CCSER2: variants seen among roughly 807,000 people sequenced by gnomAD.
The protein encoded by CCSER2 is serine-rich coiled-coil domain-containing protein 2.
CCSER2 carries 46 observed loss-of-function variants against 92.3 expected under a neutral mutation model. The ratio of observed to expected loss-of-function variants is 0.50; its 90% CI spans 0.39 to 0.64. CCSER2 has a LOEUF of 0.64. Among genes scored for constraint, CCSER2 ranks in the 30% least tolerant of loss-of-function variants. The pLI is 0.00. For missense variants in CCSER2, 1,244 were observed against 1,238.9 expected (o/e 1.00, Z -0.06); for synonymous variants, 433 against 431.4 (o/e 1.00, Z -0.04).
intron 1 of CCSER2, among the ~76,000 whole-genome samples, chr10:84,333,538 G>A (rs1843685758): frequency 6.6e-6 from 1 of 152,186 alleles, no homozygotes; most frequent in Non-Finnish European, 1.5e-5. Context: ...CAAGGATTTG[G>A]ACTTCATTTC....
chr10:84,391,736 CCCAT>C, intron 3 of CCSER2: 1 of 1,495,900 alleles, frequency 6.7e-7, no homozygotes, highest in South Asian at 1.1e-5. Context: ...AGAGGTGGCC[CCCAT>C]GCTACAGCAG....
intron 2 of CCSER2, among the ~76,000 whole-genome samples, chr10:84,373,174 G>A (rs1346457847): frequency 6.6e-6 from 1 of 152,044 alleles, no homozygotes; most frequent in African/African-American, 2.4e-5. Flanking sequence ...ACAAACCCTT[G>A]ATTGTCTATA....
At chr10:84,469,286 CTTTT>C (rs1846637074) in intron 7 of CCSER2, among the ~76,000 whole-genome samples, 1 of 152,062 alleles carries the variant, frequency 6.6e-6, no homozygotes, top group African/African-American at 2.4e-5. Context: ...TGCAATCCAT[CTTTT>C]TTGTCTTTAT....
At chr10:84,477,800 C>T in intron 9 of CCSER2, 136 bp downstream of exon 9, 1 of 585,252 alleles carries the variant, frequency 1.7e-6, no homozygotes, top group Non-Finnish European at 3.0e-6. Context: ...TTTATTTTTG[C>T]TTGTCTCTTA....
intron 5 of CCSER2, among the ~76,000 whole-genome samples, chr10:84,432,658 AT>A (rs1224342755): frequency 3.3e-5 from 5 of 152,092 alleles, no homozygotes; most frequent in African/African-American, 1.2e-4. Context: ...TTTGCAAATA[AT>A]TTTTTCCAGT....
At chr10:84,365,566 T>G (rs533133386) in intron 1 of CCSER2, among the ~76,000 whole-genome samples, 2 of 152,334 alleles carry the variant, frequency 1.3e-5, no homozygotes, top group African/African-American at 4.8e-5. Context: ...TCGTTATTCT[T>G]CATAGAGAAT....
intron 3 of CCSER2, among the ~76,000 whole-genome samples, chr10:84,387,540 T>C (rs1447352192): frequency 6.6e-6 from 1 of 152,140 alleles, no homozygotes; most frequent in African/African-American, 2.4e-5. Flanking sequence ...TTAATTTTTT[T>C]TTTTTTGAGA....
intron 6 of CCSER2, among the ~76,000 whole-genome samples, chr10:84,450,573 G>C (rs761207082): frequency 6.6e-6 from 1 of 152,052 alleles, no homozygotes; most frequent in Non-Finnish European, 1.5e-5. Flanking sequence ...AGACTCCAAG[G>C]CCAATAAATC....
intron 3 of CCSER2, among the ~76,000 whole-genome samples, chr10:84,408,946 C>A (rs1436973069): frequency 6.6e-6 from 1 of 151,702 alleles, no homozygotes; most frequent in African/African-American, 2.4e-5. Flanking sequence ...TACTGTAAAT[C>A]AAAAAAATAA....
chr10:84,489,625 A>G (rs1349529177), intron 9 of CCSER2, among the ~76,000 whole-genome samples: 1 of 152,124 alleles, frequency 6.6e-6, no homozygotes, highest in Non-Finnish European at 1.5e-5. Context: ...TTTTGAGCCC[A>G]TGTGTGTCTC....
chr10:84,346,389 TAA>T (rs879310366), intron 1 of CCSER2, among the ~76,000 whole-genome samples: 1 of 143,412 alleles, frequency 7.0e-6, no homozygotes. Flanking sequence ...CTTTAGGAAT[TAA>T]AAAAAAAAAA....
chr10:84,371,304 T>C lies in CCSER2; in HGVS notation c.252T>C (p.Asn84=), dbSNP rs1392319497. The C allele has an allele frequency of 6.2e-7, 1 of 1,613,662 alleles. No homozygotes were observed. Residue 84 remains asparagine (N), a synonymous_variant, in exon 2 of 10, where the codon AAT becomes AAC. Transcript: ENST00000372088. ...CACAAGGTGTCGAAGAGCCTAACAA[T>C]ACTCAAAATTCACATGATAAAATAA... ...LCAQGVEEPN[N]TQNSHDKIID... is the part of the protein sequence containing the mutation.
At chr10:84,433,256 C>A (rs990433529) in intron 5 of CCSER2, among the ~76,000 whole-genome samples, 5 of 152,158 alleles carry the variant, frequency 3.3e-5, no homozygotes, top group African/African-American at 9.7e-5. Flanking sequence ...AAATAACTTG[C>A]TGAAATTTTG....
chr10:84,399,170 G>A (rs1211469902), intron 3 of CCSER2, among the ~76,000 whole-genome samples: 1 of 152,052 alleles, frequency 6.6e-6, no homozygotes. Flanking sequence ...TAAATTCTAA[G>A]CCCTCACCTC....
intron 1 of CCSER2, among the ~76,000 whole-genome samples, chr10:84,329,985 C>T (rs1462559492): frequency 6.6e-6 from 1 of 152,224 alleles, no homozygotes; most frequent in Non-Finnish European, 1.5e-5. Context: ...TGTCGTACTT[C>T]AGCATAAGCC....
At chr10:84,364,518 C>T (rs978890332) in intron 1 of CCSER2, among the ~76,000 whole-genome samples, 1 of 152,130 alleles carries the variant, frequency 6.6e-6, no homozygotes, top group Non-Finnish European at 1.5e-5. Context: ...ATTAGCCTCT[C>T]TGAATCTTGG....
intron 1 of CCSER2, among the ~76,000 whole-genome samples, chr10:84,329,022 G>A (rs933369834): frequency 5.3e-5 from 8 of 151,834 alleles, no homozygotes; most frequent in Non-Finnish European, 1.0e-4. Context: ...AGGCCGGAGG[G>A]CGCCCTCCCT....
intron 2 of CCSER2, 27 bp from the exon 3 acceptor site, chr10:84,373,592 G>C: frequency 6.5e-7 from 1 of 1,526,904 alleles, no homozygotes; most frequent in Non-Finnish European, 9.0e-7. Flanking sequence ...ATATTTTTGT[G>C]AATCAGTAAC....
rs1380202556 is a variant in CCSER2 at position 84,371,348 on chromosome 10, T to C, written c.296T>C (p.Val99Ala). 6.2e-7 allele frequency: 1 copy of C among 1,613,778 alleles called. No individual in the cohort carries two copies. The highest frequency in any genetic ancestry group is 1.3e-5 in the African/African-American group (1 of 75,040). ...AAAATAATTGATCCTGAAAAACGTG[T>C]TCCTACTCAAGGAATGTTTGATAAA... ...HDKIIDPEKRVPTQGMFDKNG... is the reference protein window; with the variant it reads ...HDKIIDPEKRAPTQGMFDKNG... The change falls in exon 2 of 10, where the codon GTT becomes GCT. Residue 99 changes from valine (V) to alanine (A), a missense_variant. Val to Ala is a moderately conservative substitution (Grantham distance 64, BLOSUM62 0). Transcript: ENST00000372088.
Sources: allele counts gnomAD v4.1 joint callset (sites outside exome capture counted in the v4.1 genomes callset), GRCh38; gene constraint gnomAD v4.1.1; transcripts MANE v1.5; gene names NCBI Gene and HGNC (gene_info 2026-07-23, HGNC 2026-07-21).